DZIP1L: variants seen among roughly 807,000 people sequenced by gnomAD.
The protein encoded by DZIP1L is DAZ interacting zinc finger protein 1 like, also known as cilium assembly protein DZIP1L.
In DZIP1L, 90 loss-of-function variants were observed where a neutral mutation model predicts 88.7. The observed-to-expected ratio is 1.02, with a 90% CI of 0.86 to 1.21. DZIP1L has a LOEUF of 1.21. Among genes scored for constraint, DZIP1L ranks in the 50% most tolerant of loss-of-function variants. The pLI is 0.00. For synonymous variants in DZIP1L, 363 were observed against 372.1 expected, an observed-to-expected ratio of 0.98 and a Z score of 0.28; for missense variants, 932 against 955.8, an observed-to-expected ratio of 0.98 and a Z score of 0.33.
chr3:138,114,389 TC>T (rs1406535060), intron 1 of DZIP1L, among the ~76,000 whole-genome samples: 1 of 152,106 alleles, frequency 6.6e-6, no homozygotes, highest in African/African-American at 2.4e-5. Flanking sequence ...TTAGATAGTA[TC>T]AAAAAATATT....
At chr3:138,108,943 C>T (rs2042569038) in intron 1 of DZIP1L, among the ~76,000 whole-genome samples, 1 of 152,128 alleles carries the variant, frequency 6.6e-6, no homozygotes, top group Non-Finnish European at 1.5e-5. Flanking sequence ...AATGCAGATC[C>T]CCAGACTTAC....
rs1389761750 is a variant in DZIP1L, at chr3:138,071,969, G to A, written c.1423-134C>T. 5 of 853,476 alleles carry A rather than the reference G, an allele frequency of 5.9e-6. No individual in the cohort carries two copies. The South Asian group carries it at 6.0e-5, about 10-fold the overall frequency. The allele number at this position is 853,476 out of a possible 1,614,324, so 52.9% of individuals were successfully genotyped here. On this transcript the variant is annotated intron_variant, in intron 11 of 15. Transcript: ENST00000327532. ...GGTGCTTTTCTTGCAGGACTGGGGG[G>A]CATGAAATGAGGATCAGAGAAGGGT...
rs77125788 is a variant in DZIP1L, at chr3:138,090,590, T to G, written c.870+1793A>C. On this transcript the variant is annotated intron_variant, in intron 5 of 15. Coordinates refer to ENST00000327532, the MANE Select transcript of DZIP1L (RefSeq NM_173543.3). ...CATCCCCACCCCAGTGCACACAGAG[T>G]TCTCGTTTCAACCCCTCCACCTTCC... Among the ~76,000 whole-genome samples, 1,119 of 152,192 alleles carry G rather than the reference T, an allele frequency of 7.4e-3. 7 individuals carry two copies. Among genetic ancestry groups the G allele is most frequent in the Non-Finnish European group, 0.012 (825 of 67,994 alleles).
At chr3:138,107,400 C>T (rs547081485) in intron 1 of DZIP1L, among the ~76,000 whole-genome samples, 1 of 152,192 alleles carries the variant, frequency 6.6e-6, no homozygotes, top group Non-Finnish European at 1.5e-5. Flanking sequence ...GGAGATGATG[C>T]AGCAGGAAGG....
intron 13 of DZIP1L, 28 bp downstream of exon 13, chr3:138,068,123 G>A (rs574426017): frequency 2.7e-6 from 4 of 1,458,378 alleles, no homozygotes; most frequent in South Asian, 1.5e-5. Context: ...ACTGCAGGTG[G>A]GGTGAGAGGG....
At chr3:138,087,573 G>T (rs1242992377) in intron 6 of DZIP1L, among the ~76,000 whole-genome samples, 1 of 152,170 alleles carries the variant, frequency 6.6e-6, no homozygotes, top group African/African-American at 2.4e-5. Context: ...ATTGATAGGG[G>T]AAACATCAAT....
At position 138,062,390 on chromosome 3, in the gene DZIP1L, T is replaced by C. The variant is rs1399852367; in HGVS notation, c.*426A>G. On this transcript the variant is annotated 3_prime_UTR_variant, in exon 16 of 16. Coordinates refer to ENST00000327532, the MANE Select transcript of DZIP1L (RefSeq NM_173543.3). The stretch of plus-strand genomic sequence containing the variant: ...GCAGAGTAGGTAGGCACTCAGTAAA[T>C]AATTTTGGATCAATCACTGAATGAC... The C allele has an allele frequency of 6.1e-6, 1 of 163,006 alleles. No individual in the cohort carries two copies. Among genetic ancestry groups the C allele is most frequent in the African/African-American group, 2.4e-5 (1 of 41,726 alleles). The allele number at this position is 163,006 out of a possible 1,614,324, so 10.1% of individuals were successfully genotyped here. A position where few individuals can be genotyped will look rare whatever the true frequency, so the allele number is the denominator to read the frequency against.
At chr3:138,078,251 C>T (rs1943502602) in intron 10 of DZIP1L, among the ~76,000 whole-genome samples, 1 of 152,216 alleles carries the variant, frequency 6.6e-6, no homozygotes, top group South Asian at 2.1e-4. Context: ...CGGTGTTCTT[C>T]AGGTTCCATC....
At chr3:138,115,139 G>A (rs1168079721) in intron 1 of DZIP1L, among the ~76,000 whole-genome samples, 189 bp downstream of exon 1, 1 of 152,042 alleles carries the variant, frequency 6.6e-6, no homozygotes, top group Non-Finnish European at 1.5e-5. Context: ...GGGCCAGAAG[G>A]GCGCGCCCTG....
chr3:138,097,533 G>C (rs1481013590), intron 3 of DZIP1L, among the ~76,000 whole-genome samples: 1 of 152,218 alleles, frequency 6.6e-6, no homozygotes, highest in Non-Finnish European at 1.5e-5. Flanking sequence ...ACAGAGCTAA[G>C]AGTGAAATCT....
At chr3:138,105,771 TTGTTA>T (rs1214872290) in intron 1 of DZIP1L, among the ~76,000 whole-genome samples, 2 of 152,150 alleles carry the variant, frequency 1.3e-5, no homozygotes, top group African/African-American at 4.8e-5. Flanking sequence ...AGACTCATAT[TTGTTA>T]TAATTAGTTT....
In DZIP1L at chr3:138,084,115, T is replaced by C. The variant is rs773322265; in HGVS notation, c.1201A>G (p.Met401Val). The part of the protein sequence containing the change: ...QARIIASQEE[M>V]IQSLSLRKVE... ...GCTGAAAGGAAGGGCAGACCTACCATCTCCTCCTGGGAGGCAATGATCCTA... is the reference window on the plus strand; with the variant it reads ...GCTGAAAGGAAGGGCAGACCTACCACCTCCTCCTGGGAGGCAATGATCCTA... Residue 401 changes from methionine to valine, a missense_variant and splice_region_variant, in exon 8 of 16, where the codon ATG becomes GTG. Transcript: ENST00000327532. 3 of 1,613,544 alleles carry C rather than the reference T, an allele frequency of 1.9e-6. No homozygotes were observed. Among genetic ancestry groups the C allele is most frequent in the Non-Finnish European group, 2.5e-6 (3 of 1,179,730 alleles).
At chr3:138,083,092 T>C (rs921293554) in intron 8 of DZIP1L, among the ~76,000 whole-genome samples, 1 of 152,230 alleles carries the variant, frequency 6.6e-6, no homozygotes, top group South Asian at 2.1e-4. Flanking sequence ...CTTTAGCCAA[T>C]AGGTTCCTAA....
Position 138,104,045 on chromosome 3 carries a change from G to A in DZIP1L, c.-74C>T. 1.3e-6 allele frequency: 2 copies of A among 1,526,398 alleles called. No homozygotes were observed. The highest frequency in any genetic ancestry group is 1.7e-6 in the Non-Finnish European group (2 of 1,149,356). The allele number at this position is 1,526,398 out of a possible 1,614,324, so 94.6% of individuals were successfully genotyped here. On this transcript the variant is annotated 5_prime_UTR_variant, in exon 2 of 16. Transcript: ENST00000327532. ...CCACGGCAGTAGGCCAAGGAGCTGA[G>A]AGAAGGCCTGGAAAATAAGAAGAGA...
At chr3:138,100,209 A>G (rs995826122) in intron 2 of DZIP1L, among the ~76,000 whole-genome samples, 3 of 152,222 alleles carry the variant, frequency 2.0e-5, no homozygotes, top group Admixed American at 1.3e-4. Context: ...GCAATGGCCA[A>G]TGATTTAATC....
chr3:138,066,406 C>G (rs1942902899), intron 14 of DZIP1L, among the ~76,000 whole-genome samples: 1 of 152,160 alleles, frequency 6.6e-6, no homozygotes, highest in Admixed American at 6.5e-5. Context: ...ATTGGGAACA[C>G]AGCTAAAGGC....
At position 138,071,649 on chromosome 3, in the gene DZIP1L, G is replaced by A. The variant is rs775487339; in HGVS notation, c.1609C>T (p.Pro537Ser). The A allele has an allele frequency of 3.7e-6, 6 of 1,612,472 alleles. No individual in the cohort carries two copies. Among genetic ancestry groups the A allele is most frequent in the Admixed American group, 1.7e-5 (1 of 59,930 alleles). ...AGCCCTCTCCCCAGTGTACCTGAAGGCTGCCCGTCTGGCTGGGACACCACA... is the reference window on the plus strand; with the variant it reads ...AGCCCTCTCCCCAGTGTACCTGAAGACTGCCCGTCTGGCTGGGACACCACA... ...GAVVSQPDGQ[P>S]SVKSQQSTLV... The change falls in exon 12 of 16, where the codon CCT (proline) becomes TCT (serine). Residue 537 changes from proline (P) to serine (S), a missense_variant. Pro to Ser is a moderately conservative substitution (Grantham distance 74, BLOSUM62 -1). Coordinates refer to ENST00000327532, the MANE Select transcript of DZIP1L (RefSeq NM_173543.3).
intron 13 of DZIP1L, 32 bp downstream of exon 13, chr3:138,068,119 G>A (rs1295321418): frequency 6.9e-7 from 1 of 1,456,552 alleles, no homozygotes; most frequent in African/African-American, 1.4e-5. Flanking sequence ...CACCACTGCA[G>A]GTGGGGTGAG....
intron 3 of DZIP1L, among the ~76,000 whole-genome samples, chr3:138,095,935 G>A (rs1192227208): frequency 2.6e-5 from 4 of 152,044 alleles, no homozygotes; most frequent in Admixed American, 6.6e-5. Flanking sequence ...ACATACTGAC[G>A]ATAAAGCAAG....
Sources: allele counts gnomAD v4.1 joint callset (sites outside exome capture counted in the v4.1 genomes callset), GRCh38; gene constraint gnomAD v4.1.1; transcripts MANE v1.5; gene names NCBI Gene and HGNC (gene_info 2026-07-23, HGNC 2026-07-21).